TP53BP2: variants seen among roughly 807,000 people sequenced by gnomAD.
TP53BP2 encodes apoptosis-stimulating of p53 protein 2.
TP53BP2 carries 62 observed loss-of-function variants against 126.2 expected under a neutral mutation model. The observed-to-expected ratio is 0.49, with a 90% CI of 0.40 to 0.61. The LOEUF (loss-of-function observed/expected upper bound fraction) is 0.61, where lower values mean the gene tolerates loss of function less well. TP53BP2 is among the 20% of genes least tolerant of loss of function. The probability of loss-of-function intolerance (pLI) is 0.00; values close to 1 mark genes in which losing one functional copy is unlikely to be tolerated. For missense variants in TP53BP2, 1,215 were observed against 1,402.8 expected, an observed-to-expected ratio of 0.87 and a Z score of 2.14; for synonymous variants, 485 against 502.9, an observed-to-expected ratio of 0.96 and a Z score of 0.48.
chr1:223,812,029 C>CA (rs556093883), intron 3 of TP53BP2, among the ~76,000 whole-genome samples: 4,479 of 56,764 alleles, frequency 0.079, 219 homozygotes, highest in African/African-American at 0.23. Flanking sequence ...AAATAGAGAA[C>CA]AAAAAAAAAA....
intron 17 of TP53BP2, among the ~76,000 whole-genome samples, chr1:223,783,511 C>A (rs148711399): frequency 6.6e-6 from 1 of 152,198 alleles, no homozygotes; most frequent in Non-Finnish European, 1.5e-5. Context: ...TGCACACACA[C>A]AACTGCTATA....
intron 4 of TP53BP2, among the ~76,000 whole-genome samples, chr1:223,808,706 C>T (rs996775502): frequency 7.0e-6 from 1 of 143,444 alleles, no homozygotes; most frequent in Non-Finnish European, 1.5e-5. Context: ...TTCTTAGATA[C>T]AACACTAAAA....
intron 17 of TP53BP2, 89 bp downstream of exon 17, chr1:223,784,026 T>G (rs1178679597): frequency 1.8e-6 from 2 of 1,128,172 alleles, no homozygotes; most frequent in Non-Finnish European, 1.3e-6. Context: ...AAAGGGCAGT[T>G]TGGTGCACTG....
chr1:223,820,763 T>C (rs1003871078), intron 2 of TP53BP2, among the ~76,000 whole-genome samples: 2 of 152,078 alleles, frequency 1.3e-5, no homozygotes, highest in Non-Finnish European at 2.9e-5. Context: ...ATTTTAGAGC[T>C]CCAAAGAACC....
At chr1:223,793,509 A>C (rs1558090645) in intron 13 of TP53BP2, 69 bp from the exon 14 acceptor site, 11 of 1,409,590 alleles carry the variant, frequency 7.8e-6, no homozygotes, top group African/African-American at 1.5e-5. Context: ...GCAAATGGGA[A>C]GGAATGACTT....
intron 17 of TP53BP2, among the ~76,000 whole-genome samples, chr1:223,782,233 C>T (rs964333703): frequency 6.6e-6 from 1 of 152,094 alleles, no homozygotes. Flanking sequence ...TCATGTTATA[C>T]ACCATAAATA....
chr1:223,813,012 G>C (rs1159793154), intron 3 of TP53BP2, among the ~76,000 whole-genome samples: 1 of 152,128 alleles, frequency 6.6e-6, no homozygotes, highest in Non-Finnish European at 1.5e-5. Flanking sequence ...CTGAGCTTTT[G>C]TAATGTCCAA....
intron 1 of TP53BP2, among the ~76,000 whole-genome samples, chr1:223,821,894 A>AC (rs935665463): frequency 7.0e-6 from 1 of 143,256 alleles, no homozygotes; most frequent in Admixed American, 7.0e-5. Context: ...AAAAAATTGT[A>AC]CTTTTTTTTT....
At chr1:223,837,964 T>C (rs2102890300) in intron 1 of TP53BP2, among the ~76,000 whole-genome samples, 1 of 151,528 alleles carries the variant, frequency 6.6e-6, no homozygotes, top group East Asian at 2.0e-4. Context: ...CTCCAGTGCT[T>C]CCTCCCGGCC....
Position 223,798,434 on chromosome 1 carries a change from C to T in TP53BP2, c.1729G>A (p.Gly577Ser). ...SVGQDQTLSP[G>S]SKQESPPAAA... ...GCAGGTGGACTTTCTTGCTTAGAAC[C>T]TGGAGAAAGGGTCTGGTCTTGGCCA... The change falls in exon 12 of 18, where the codon GGT becomes AGT. Residue 577 changes from glycine to serine, a missense_variant. Around this residue, in one of 4 missense-constraint regions of TP53BP2, gnomAD observed 814 missense variants for 853.0 expected, o/e 0.95. Transcript: ENST00000343537. The T allele has an allele frequency of 6.2e-7, 1 of 1,614,134 alleles. No homozygotes were observed. The highest frequency in any genetic ancestry group is 8.5e-7 in the Non-Finnish European group (1 of 1,180,034).
chr1:223,780,995 G>A (rs1661756774), intron 17 of TP53BP2, 101 bp from the exon 18 acceptor site: 2 of 1,129,074 alleles, frequency 1.8e-6, no homozygotes, highest in South Asian at 2.9e-5. Flanking sequence ...GTCATGGGAA[G>A]GAAATCAAAG....
intron 7 of TP53BP2, 75 bp downstream of exon 7, chr1:223,803,196 C>A: frequency 6.7e-7 from 1 of 1,488,736 alleles, no homozygotes; most frequent in Non-Finnish European, 9.0e-7. Flanking sequence ...AATCTAGCAC[C>A]TCTTGCTACT....
chr1:223,793,238 C>CTAATTATAAATTTAATAG, intron 14 of TP53BP2, 65 bp downstream of exon 14: 1 of 1,194,342 alleles, frequency 8.4e-7, no homozygotes. Context: ...ACTAATTATA[C>CTAATTATAAATTTAATAG]TCTAGCCTGG....
Position 223,783,775 on chromosome 1 carries a change from CT to C in TP53BP2, c.3363+339del, listed in dbSNP as rs3217725. Among the ~76,000 whole-genome samples the C allele has an allele frequency of 2.5e-3, 380 of 152,258 alleles. 7 individuals are homozygous for C. The East Asian group carries it at 0.038, about 15-fold the overall frequency. On this transcript the variant is annotated intron_variant, in intron 17 of 17. Transcript: ENST00000343537. ...AACAAAGAATCTTGTCCTTAATGCC[CT>C]GCTGAAGCTCTCTACCAGATTTGCA...
At chr1:223,785,763 T>C (rs1661930252) in intron 16 of TP53BP2, among the ~76,000 whole-genome samples, 1 of 152,240 alleles carries the variant, frequency 6.6e-6, no homozygotes, top group Admixed American at 6.5e-5. Flanking sequence ...AGATTACTTT[T>C]TAAAAAATTT....
At chr1:223,824,492 CT>C (rs1012379210) in intron 1 of TP53BP2, among the ~76,000 whole-genome samples, 10 of 152,136 alleles carry the variant, frequency 6.6e-5, no homozygotes, top group African/African-American at 2.2e-4. Flanking sequence ...GGCAGGAGAT[CT>C]AGTTCAAACT....
chr1:223,786,343 TTC>T (rs1319379765), intron 16 of TP53BP2, among the ~76,000 whole-genome samples: 4 of 152,248 alleles, frequency 2.6e-5, no homozygotes, highest in African/African-American at 9.6e-5. Flanking sequence ...AGTGGTTATG[TTC>T]TGTCTCCTAA....
rs10543436 is a variant in TP53BP2 at position 223,831,480 on chromosome 1, A to AATATATAT, written c.28-10121_28-10114dup. On this transcript the variant is annotated intron_variant, in intron 1 of 17. Transcript: ENST00000343537. ...TATGTACCATCTAAAAAAAAAAAAA[A>AATATATAT]ATATATATATATATATATATATATA... Among the ~76,000 whole-genome samples the AATATATAT allele has an allele frequency of 1.6e-3, 53 of 32,416 alleles. 1 individual carries two copies. The highest frequency in any genetic ancestry group is 2.7e-3 in the South Asian group (2 of 750). 21.3% of individuals were successfully genotyped at this position (32,416 alleles called of 152,430 possible). A position where few individuals can be genotyped will look rare whatever the true frequency, so the allele number is the denominator to read the frequency against.
At position 223,803,118 on chromosome 1, in the gene TP53BP2, T is replaced by A. The variant is rs1662585584; in HGVS notation, c.831+153A>T. ...TTTCCTGTCTAGGGTACTATAAAGTTTACTCTGGATTCTCTGGAGTTTGGG... is the reference window on the plus strand; with the variant it reads ...TTTCCTGTCTAGGGTACTATAAAGTATACTCTGGATTCTCTGGAGTTTGGG... On this transcript the variant is annotated intron_variant, in intron 7 of 17. Coordinates refer to ENST00000343537, the MANE Select transcript of TP53BP2 (RefSeq NM_001031685.3). 6 of 1,032,992 alleles carry A rather than the reference T, an allele frequency of 5.8e-6. No individual in the cohort carries two copies. In the South Asian group the frequency reaches 8.0e-5, roughly 14 times the overall value. 64.0% of individuals were successfully genotyped at this position (1,032,992 alleles called of 1,614,324 possible).
Sources: gnomAD v4.1 joint callset for allele counts (sites outside exome capture counted in the v4.1 genomes callset) on GRCh38, gnomAD v4.1.1 for gene constraint, gnomAD v4.1.1 regional missense constraint, MANE v1.5 for transcripts, NCBI Gene and HGNC (gene_info 2026-07-23, HGNC 2026-07-21) for gene names.